SLC48A1: variants seen among roughly 807,000 people sequenced by gnomAD.
The protein encoded by SLC48A1 is solute carrier family 48 member 1, also known as heme transporter HRG1.
SLC48A1 carries 6 observed loss-of-function variants against 14.8 expected under a neutral mutation model. The ratio of observed to expected loss-of-function variants is 0.41; its 90% CI spans 0.22 to 0.80. The LOEUF (loss-of-function observed/expected upper bound fraction) is 0.80, where lower values mean the gene tolerates loss of function less well. Ranked by LOEUF, SLC48A1 falls within the 30% of genes least tolerant of loss-of-function variation. The probability of loss-of-function intolerance (pLI) is 0.34; values close to 1 mark genes in which losing one functional copy is unlikely to be tolerated. For missense variants in SLC48A1, 165 were observed against 204.8 expected (o/e 0.81, Z 1.19); for synonymous variants, 89 against 90.0 (o/e 0.99, Z 0.06).
At position 47,780,475 on chromosome 12, in the gene SLC48A1, G is replaced by A. The variant is rs554811138; in HGVS notation, c.*194G>A. The A allele has an allele frequency of 6.9e-6, 6 of 863,658 alleles. No individual in the cohort carries two copies. The highest frequency in any genetic ancestry group is 6.6e-5 in the South Asian group (5 of 75,466). The allele number at this position is 863,658 out of a possible 1,614,324, so 53.5% of individuals were successfully genotyped here. On this transcript the variant is annotated 3_prime_UTR_variant, in exon 3 of 3. Transcript: ENST00000442218. ...GAGGAAACCTGAGTGTGGTAGAGAG[G>A]GGATCCTGCCATGTTGCTCCTCATC... is the stretch of plus-strand genomic sequence containing the variant.
upstream of SLC48A1, among the ~76,000 whole-genome samples, chr12:47,767,258 AC>A (rs1942536190): frequency 6.6e-6 from 1 of 152,122 alleles, no homozygotes; most frequent in African/African-American, 2.4e-5. Flanking sequence ...GGAACTCACT[AC>A]CTAGGTACAC....
rs192058243 is a variant in SLC48A1 at position 47,781,526 on chromosome 12, G to A, written c.*1245G>A. ...AGGGCTCACCTAACTTGGGAGGGAA[G>A]GGGCTGTTGGTACAAGGATGATTTT... On this transcript the variant is annotated 3_prime_UTR_variant, in exon 3 of 3. Transcript: ENST00000442218. 1.5e-3 allele frequency: 229 copies of A among 153,410 alleles called. 1 individual carries two copies. Among genetic ancestry groups the A allele is most frequent in the Non-Finnish European group, 5.7e-4 (39 of 68,476 alleles). The allele number at this position is 153,410 out of a possible 1,614,324, so 9.5% of individuals were successfully genotyped here.
chr12:47,780,202 A>G lies in SLC48A1; in HGVS notation c.362A>G (p.Lys121Arg). 1 of 1,614,020 alleles carries G rather than the reference A, an allele frequency of 6.2e-7. No individual in the cohort carries two copies. Among genetic ancestry groups the G allele is most frequent in the Non-Finnish European group, 8.5e-7 (1 of 1,179,928 alleles). ...AGCGTCTGGAGCTTCATTTCCTTCA[A>G]GTGGGCCTTCCTGCTCAGCCTCTAT... ...LSSVWSFISF[K>R]WAFLLSLYAH... The change falls in exon 3 of 3, where the codon AAG becomes AGG. Residue 121 changes from lysine (K) to arginine (R), a missense_variant. Transcript: ENST00000442218.
rs1484403133 is a variant in SLC48A1, at chr12:47,758,813, C to T, written c.-373+153C>T. On this transcript the variant is annotated intron_variant, in intron 1 of 4. Transcript: ENST00000547002. ...CACCCAGCCACCGGCGACAGGGAGCCCCGAGCCTGCGCCTTCGTCTCAGAC... is the reference window on the plus strand; with the variant it reads ...CACCCAGCCACCGGCGACAGGGAGCTCCGAGCCTGCGCCTTCGTCTCAGAC... 12 of 1,233,350 alleles carry T rather than the reference C, an allele frequency of 9.7e-6. No homozygotes were observed. In the South Asian group the frequency reaches 3.9e-4, roughly 40 times the overall value. The allele number at this position is 1,233,350 out of a possible 1,614,324, so 76.4% of individuals were successfully genotyped here.
Position 47,758,803 on chromosome 12 carries a change from G to A in SLC48A1, c.-373+143G>A, listed in dbSNP as rs562059906. ...GGGGGGACGCCACCCAGCCACCGGCGACAGGGAGCCCCGAGCCTGCGCCTT... is the reference window on the plus strand; with the variant it reads ...GGGGGGACGCCACCCAGCCACCGGCAACAGGGAGCCCCGAGCCTGCGCCTT... On this transcript the variant is annotated intron_variant, in intron 1 of 4. Coordinates refer to the SLC48A1 transcript ENST00000547002. 59 of 1,236,340 alleles carry A rather than the reference G, an allele frequency of 4.8e-5. No homozygotes were observed. The African/African-American group carries it at 8.4e-4, about 18-fold the overall frequency. 76.6% of individuals were successfully genotyped at this position (1,236,340 alleles called of 1,614,324 possible). A position where few individuals can be genotyped will look rare whatever the true frequency, so the allele number is the denominator to read the frequency against.
chr12:47,770,176 G>A (rs146008224), upstream of SLC48A1, among the ~76,000 whole-genome samples: 416 of 152,354 alleles, frequency 2.7e-3, 2 homozygotes, highest in African/African-American at 9.7e-3. Flanking sequence ...TTTAAGCCTG[G>A]CCTTAGCCTT....
Position 47,782,468 on chromosome 12 carries a change from T to TCTCTGTGGACTCAGCCCAGGGCTGCC in SLC48A1, c.*2188_*2213dup, listed in dbSNP as rs1224613881. 68 of 152,298 alleles carry TCTCTGTGGACTCAGCCCAGGGCTGCC rather than the reference T, an allele frequency of 4.5e-4. 1 individual carries two copies. The highest frequency in any genetic ancestry group is 1.5e-3 in the African/African-American group (62 of 41,566). The allele number at this position is 152,298 out of a possible 1,614,324, so 9.4% of individuals were successfully genotyped here. A position where few individuals can be genotyped will look rare whatever the true frequency, so the allele number is the denominator to read the frequency against. On this transcript the variant is annotated 3_prime_UTR_variant, in exon 3 of 3. Coordinates refer to ENST00000442218, the MANE Select transcript of SLC48A1 (RefSeq NM_017842.3). ...CCCACTCCTGCCATATCAGGGCTGG[T>TCTCTGTGGACTCAGCCCAGGGCTGCC]CTCTGTGGACTCAGCCCAGGGCTGC...
chr12:47,761,118 A>G (rs1004202788), intron 2 of SLC48A1, among the ~76,000 whole-genome samples: 1 of 149,786 alleles, frequency 6.7e-6, no homozygotes, highest in Non-Finnish European at 1.5e-5. Context: ...AATTCTTTCA[A>G]CCCGGGAGGC....
At chr12:47,756,822 A>G (rs551256980), upstream of SLC48A1, among the ~76,000 whole-genome samples, 1 of 152,268 alleles carries the variant, frequency 6.6e-6, no homozygotes, top group Admixed American at 6.5e-5. Flanking sequence ...TACAAAAATT[A>G]GCTGGGCGTG....
intron 2 of SLC48A1, 138 bp from the exon 3 acceptor site, chr12:47,780,007 T>G: frequency 9.2e-7 from 1 of 1,087,832 alleles, no homozygotes; most frequent in South Asian, 1.8e-5. Flanking sequence ...TCCATCACAG[T>G]GTCTTTCTGA....
chr12:47,762,829 A>G (rs1162691683), intron 2 of SLC48A1, among the ~76,000 whole-genome samples: 5 of 152,186 alleles, frequency 3.3e-5, no homozygotes, highest in Non-Finnish European at 5.9e-5. Context: ...CTCAGTCCTT[A>G]CTATGCAATG....
rs368011101 is a variant in SLC48A1 at position 47,779,125 on chromosome 12, C to T, written c.234C>T (p.Gly78=). Residue 78 remains glycine, a synonymous_variant, in exon 2 of 3, where the codon GGC becomes GGT. Transcript: ENST00000442218. The part of the protein sequence containing the change: ...LKGLRGFFFV[G]VLFSAVSIAA... Reference sequence around the variant, plus strand: ...GGCTGCGCGGCTTCTTCTTCGTGGGCGTCCTCTTCTCGGCCGTCTCCATCG... The same window carrying T: ...GGCTGCGCGGCTTCTTCTTCGTGGGTGTCCTCTTCTCGGCCGTCTCCATCG... The T allele has an allele frequency of 3.5e-5, 55 of 1,551,864 alleles. No homozygotes were observed. In the African/African-American group the frequency reaches 4.6e-4, roughly 13 times the overall value.
At chr12:47,755,666 T>C (rs1038439822), upstream of SLC48A1, 1 of 152,236 alleles carries the variant, frequency 6.6e-6, no homozygotes, top group African/African-American at 2.4e-5. Context: ...GCCCTCCTAC[T>C]GTAACCCGCT....
At chr12:47,767,070 A>G (rs1942530005), upstream of SLC48A1, among the ~76,000 whole-genome samples, 1 of 151,964 alleles carries the variant, frequency 6.6e-6, no homozygotes, top group Non-Finnish European at 1.5e-5. Context: ...AGGAAGGCGA[A>G]GCTGCAGGAG....
chr12:47,775,479 C>G (rs1294546002), intron 1 of SLC48A1, among the ~76,000 whole-genome samples: 1 of 152,150 alleles, frequency 6.6e-6, no homozygotes, highest in African/African-American at 2.4e-5. Context: ...GCCAAAACTG[C>G]TTGGTAGTGG....
chr12:47,773,359 T>C lies in SLC48A1; in HGVS notation c.55T>C (p.Ser19Pro). The change falls in exon 1 of 3, where the codon TCC becomes CCC. Residue 19 changes from serine (S) to proline (P), a missense_variant. By Grantham distance (74) the Ser-to-Pro change is moderately conservative. Coordinates refer to ENST00000442218, the MANE Select transcript of SLC48A1 (RefSeq NM_017842.3). ...CCGCGCCGCCTACTCCGGCATCAGCTCCGTGGCCGGCTTCTCCATCTTCCT... is the reference window on the plus strand; with the variant it reads ...CCGCGCCGCCTACTCCGGCATCAGCCCCGTGGCCGGCTTCTCCATCTTCCT... ...GLRAAYSGIS[S>P]VAGFSIFLVW... The C allele has an allele frequency of 6.8e-7, 1 of 1,476,738 alleles. No individual in the cohort carries two copies. The highest frequency in any genetic ancestry group is 9.0e-7 in the Non-Finnish European group (1 of 1,112,954). The allele number at this position is 1,476,738 out of a possible 1,614,324, so 91.5% of individuals were successfully genotyped here.
chr12:47,758,024 G>A, upstream of SLC48A1: 1 of 1,576,852 alleles, frequency 6.3e-7, no homozygotes, highest in Non-Finnish European at 8.6e-7. Context: ...CCCAGAGCTG[G>A]GCTATCCTCC....
exon 1 of SLC48A1, chr12:47,758,579 C>A (rs2136833422): frequency 6.2e-7 from 1 of 1,613,914 alleles, no homozygotes; most frequent in Non-Finnish European, 8.5e-7. Context: ...GCTCGCACAG[C>A]CGTGCAGGCT....
chr12:47,771,797 G>C (rs182460595), upstream of SLC48A1, among the ~76,000 whole-genome samples: 2 of 152,232 alleles, frequency 1.3e-5, no homozygotes, highest in African/African-American at 2.4e-5. Flanking sequence ...GCTGGGTGTG[G>C]TGGTGGAAGC....
Sources: allele counts gnomAD v4.1 joint callset (sites outside exome capture counted in the v4.1 genomes callset), GRCh38; gene constraint gnomAD v4.1.1; transcripts MANE v1.5; gene names NCBI Gene and HGNC (gene_info 2026-07-23, HGNC 2026-07-21).